PRKN: variants seen among roughly 807,000 people sequenced by gnomAD.
PRKN encodes the protein E3 ubiquitin-protein ligase parkin.
In PRKN, 56 loss-of-function variants were observed where a neutral mutation model predicts 59.5. That is an observed-to-expected ratio of 0.94 (90% CI 0.76 to 1.18). PRKN has a LOEUF of 1.18. Ranked by LOEUF, PRKN falls within the 50% of genes most tolerant of loss-of-function variation. The probability of loss-of-function intolerance (pLI) is 0.00; values close to 1 mark genes in which losing one functional copy is unlikely to be tolerated. For missense variants in PRKN, 657 were observed against 596.4 expected (o/e 1.10, Z -1.06); for synonymous variants, 250 against 222.1 (o/e 1.13, Z -1.12).
At chr6:161,879,243 C>G (rs1794841467) in intron 6 of PRKN, among the ~76,000 whole-genome samples, 1 of 151,966 alleles carries the variant, frequency 6.6e-6, no homozygotes, top group South Asian at 2.1e-4. Flanking sequence ...ATATTGAGCT[C>G]ACACTTTTAC....
At chr6:162,155,887 T>C (rs1191441452) in intron 4 of PRKN, among the ~76,000 whole-genome samples, 1 of 151,698 alleles carries the variant, frequency 6.6e-6, no homozygotes, top group African/African-American at 2.4e-5. Flanking sequence ...TATAAAACCA[T>C]TTTCAATAAG....
intron 7 of PRKN, among the ~76,000 whole-genome samples, chr6:161,571,023 C>A (rs1484250473): frequency 1.3e-5 from 2 of 152,160 alleles, no homozygotes; most frequent in African/African-American, 4.8e-5. Context: ...GCCTTGACCT[C>A]CTGGCTGAAG....
intron 2 of PRKN, among the ~76,000 whole-genome samples, chr6:162,421,318 AT>A (rs1788951902): frequency 2.0e-5 from 3 of 152,158 alleles, no homozygotes; most frequent in Non-Finnish European, 1.5e-5. Flanking sequence ...TGTTATCCTG[AT>A]TTTTATTATC....
intron 6 of PRKN, among the ~76,000 whole-genome samples, chr6:161,811,921 C>G (rs1454264570): frequency 6.8e-6 from 1 of 147,318 alleles, no homozygotes; most frequent in Non-Finnish European, 1.5e-5. Context: ...GACTCTGTCT[C>G]AAAAATAAAT....
chr6:162,595,149 G>A (rs1175614473), intron 1 of PRKN, among the ~76,000 whole-genome samples: 1 of 152,130 alleles, frequency 6.6e-6, no homozygotes, highest in East Asian at 1.9e-4. Flanking sequence ...ACTCCAGCCT[G>A]GGTAACAGAG....
intron 7 of PRKN, among the ~76,000 whole-genome samples, chr6:161,733,792 A>ATATG (rs1554298484): frequency 1.4e-5 from 1 of 71,164 alleles, no homozygotes; most frequent in Non-Finnish European, 2.8e-5. Context: ...AAATATATAT[A>ATATG]TATATGTATA....
At position 162,519,298 on chromosome 6, in the gene PRKN, C is replaced by T. The variant is rs112358035; in HGVS notation, c.8-75825G>A. The stretch of plus-strand genomic sequence containing the variant: ...CATGCTGTCGGAGTACAGATGCCAG[C>T]GAATTAAGGCTCTGTGCTGCCTTCC... On this transcript the variant is annotated intron_variant, in intron 1 of 11. Transcript: ENST00000366898. Among the ~76,000 whole-genome samples, 8 of 152,234 alleles carry T rather than the reference C, an allele frequency of 5.3e-5. No homozygotes were observed. The East Asian group carries it at 1.2e-3, about 22-fold the overall frequency.
At chr6:162,224,588 C>T (rs564882093) in intron 3 of PRKN, among the ~76,000 whole-genome samples, 1 of 152,190 alleles carries the variant, frequency 6.6e-6, no homozygotes, top group Non-Finnish European at 1.5e-5. Flanking sequence ...TGATGCGTGC[C>T]GTCATTTATA....
intron 1 of PRKN, among the ~76,000 whole-genome samples, chr6:162,607,542 G>T (rs1562430479): frequency 1.4e-5 from 2 of 140,328 alleles, no homozygotes; most frequent in African/African-American, 5.0e-5. Flanking sequence ...AATTAAATGA[G>T]TTTTTTTTTT....
chr6:162,303,648 T>C (rs1231689223), intron 2 of PRKN, among the ~76,000 whole-genome samples: 2 of 152,168 alleles, frequency 1.3e-5, no homozygotes, highest in African/African-American at 4.8e-5. Context: ...TATGCAAGAA[T>C]ATCAAATTAT....
rs561860016 is a variant in PRKN at position 161,355,031 on chromosome 6, C to T, written c.1286-4820G>A. On this transcript the variant is annotated intron_variant, in intron 11 of 11. Coordinates refer to ENST00000366898, the MANE Select transcript of PRKN (RefSeq NM_004562.3). The surrounding 1 kb of genome is among the most constrained non-coding windows in gnomAD (Gnocchi z 6.8). ...CATCCTAGAATATCTGCCTGCCTCA[C>T]AGGATCAAGTCCAAGCCCCAAACCT... Among the ~76,000 whole-genome samples the T allele has an allele frequency of 2.0e-4, 31 of 152,320 alleles. No individual in the cohort carries two copies. Among genetic ancestry groups the T allele is most frequent in the African/African-American group, 6.7e-4 (28 of 41,576 alleles).
At position 161,518,760 on chromosome 6, in the gene PRKN, G is replaced by A. The variant is rs1362250578; in HGVS notation, c.1083+30094C>T. Among the ~76,000 whole-genome samples the A allele has an allele frequency of 6.6e-6, 1 of 152,158 alleles. No homozygotes were observed. The highest frequency in any genetic ancestry group is 1.5e-5 in the Non-Finnish European group (1 of 68,028). ...GCGGTGTGCCTTGATACTTGGCTATGCATCCCATCCACCTCTAGCAGCCCC... is the reference window on the plus strand; with the variant it reads ...GCGGTGTGCCTTGATACTTGGCTATACATCCCATCCACCTCTAGCAGCCCC... On this transcript the variant is annotated intron_variant, in intron 9 of 11. Coordinates refer to ENST00000366898, the MANE Select transcript of PRKN (RefSeq NM_004562.3). This position sits in a 1 kb window ranked among gnomAD's most constrained non-coding sequence, Gnocchi z 5.0.
At chr6:162,253,775 C>T (rs1286058236) in intron 3 of PRKN, among the ~76,000 whole-genome samples, 1 of 151,648 alleles carries the variant, frequency 6.6e-6, no homozygotes, top group Non-Finnish European at 1.5e-5. Flanking sequence ...AAAAAAGAGG[C>T]AACTTCATAT....
intron 1 of PRKN, among the ~76,000 whole-genome samples, chr6:162,452,845 C>T (rs1021700266): frequency 6.6e-6 from 1 of 151,904 alleles, no homozygotes; most frequent in Non-Finnish European, 1.5e-5. Flanking sequence ...GTCTACAGGG[C>T]TGCATTTTAG....
chr6:161,427,666 G>A (rs567403180), intron 9 of PRKN, among the ~76,000 whole-genome samples: 12 of 152,244 alleles, frequency 7.9e-5, no homozygotes, highest in African/African-American at 2.9e-4. Context: ...TATTTCTTGA[G>A]GGTAGAGTTG....
At chr6:162,604,391 C>T (rs1781825012) in intron 1 of PRKN, among the ~76,000 whole-genome samples, 1 of 152,118 alleles carries the variant, frequency 6.6e-6, no homozygotes, top group African/African-American at 2.4e-5. Context: ...GTAGCTTCCC[C>T]CACTCAGTTT....
Position 161,366,850 on chromosome 6 carries a change from T to C in PRKN, c.1168-6645A>G, listed in dbSNP as rs149786506. On this transcript the variant is annotated intron_variant, in intron 10 of 11. Coordinates refer to ENST00000366898, the MANE Select transcript of PRKN (RefSeq NM_004562.3). ...AATTTGTTCTGACCCCGAGGCACCC[T>C]TGGAGTCTCTCTGAATCTGCTGTAA... Among the ~76,000 whole-genome samples, 19 of 152,286 alleles carry C rather than the reference T, an allele frequency of 1.2e-4. No individual in the cohort carries two copies. In the East Asian group the frequency reaches 3.7e-3, roughly 29 times the overall value.
At chr6:161,945,988 C>T (rs1289480463) in intron 6 of PRKN, among the ~76,000 whole-genome samples, 1 of 152,050 alleles carries the variant, frequency 6.6e-6, no homozygotes, top group Non-Finnish European at 1.5e-5. Context: ...TGAGAACTTC[C>T]TTAGGGTAAA....
chr6:162,679,555 C>T (rs893834594), intron 1 of PRKN, among the ~76,000 whole-genome samples: 1 of 152,108 alleles, frequency 6.6e-6, no homozygotes, highest in African/African-American at 2.4e-5. Context: ...ATAGTTTTAA[C>T]ATTTAAGTCT....
Sources: gnomAD v4.1 joint callset for allele counts (sites outside exome capture counted in the v4.1 genomes callset) on GRCh38, gnomAD v4.1.1 for gene constraint, Gnocchi (gnomAD v3.1) non-coding constraint, MANE v1.5 for transcripts, NCBI Gene and HGNC (gene_info 2026-07-23, HGNC 2026-07-21) for gene names.